Variants in GUCY2F observed in about 807,000 individuals in gnomAD.
GUCY2F encodes the protein retinal guanylyl cyclase 2.
A neutral mutation model predicts 73.1 loss-of-function variants in GUCY2F; 61 were observed. The ratio of observed to expected loss-of-function variants is 0.83; its 90% confidence interval spans 0.68 to 1.03. The LOEUF (loss-of-function observed/expected upper bound fraction) is 1.03, where lower values mean the gene tolerates loss of function less well. Ranked by LOEUF, GUCY2F falls within the 50% of genes least tolerant of loss-of-function variation. The probability of loss-of-function intolerance (pLI) is 0.00; values close to 1 mark genes in which losing one functional copy is unlikely to be tolerated. For missense variants in GUCY2F, 912 were observed against 854.3 expected, an observed-to-expected ratio of 1.07 and a Z score of -0.84; for synonymous variants, 331 against 307.8, an observed-to-expected ratio of 1.08 and a Z score of -0.79.
intron 3 of GUCY2F, among the ~76,000 whole-genome samples, chrX:109,461,699 C>A (rs1011731923): frequency 1.8e-5 from 2 of 112,355 alleles, no homozygotes; most frequent in African/African-American, 6.5e-5. Flanking sequence ...GTAACTACTA[C>A]TATCATGCCT....
chrX:109,396,748 C>A (rs1343884052), intron 11 of GUCY2F, among the ~76,000 whole-genome samples: 1 of 112,550 alleles, frequency 8.9e-6, no homozygotes, highest in Admixed American at 9.4e-5. Context: ...GACTTCTCAG[C>A]TCCTTGTGAC....
chrX:109,456,636 TA>T (rs1932266442), intron 3 of GUCY2F, among the ~76,000 whole-genome samples: 1 of 111,577 alleles, frequency 9.0e-6, no homozygotes, highest in Admixed American at 9.5e-5. Flanking sequence ...CAGGATTCTC[TA>T]GCCTAGACAA....
chrX:109,398,314 T>C (rs1484993124), intron 11 of GUCY2F, among the ~76,000 whole-genome samples: 3 of 111,574 alleles, frequency 2.7e-5, no homozygotes, highest in Non-Finnish European at 5.6e-5. Context: ...ATCAGTCCTG[T>C]AGGCCCTTGT....
At chrX:109,384,495 A>G (rs1306270496) in intron 16 of GUCY2F, among the ~76,000 whole-genome samples, 2 of 112,398 alleles carry the variant, frequency 1.8e-5, no homozygotes, top group East Asian at 5.6e-4. Flanking sequence ...AGCATCTTAC[A>G]AACAACAGAC....
Position 109,475,492 on chromosome X carries a change from AAGAGAAAATTCCTT to A in GUCY2F, c.431_444del (p.Lys144MetfsTer7). 2.5e-6 allele frequency: 3 copies of A among 1,211,371 alleles called. No individual in the cohort carries two copies. The highest frequency in any genetic ancestry group is 3.4e-6 in the Non-Finnish European group (3 of 895,081). ...TCTAATTCATAATTCACACAAGCCC[AAGAGAAAATTCCTT>A]TGTCCCAGCTGTTTCCCAGGAGCGA... On this transcript the variant is annotated frameshift_variant, in exon 2 of 20. Transcript: ENST00000218006. LOFTEE classifies it high-confidence loss of function.
intron 16 of GUCY2F, 116 bp from the exon 17 acceptor site, chrX:109,382,328 C>T: frequency 2.1e-6 from 1 of 484,033 alleles, no homozygotes; most frequent in Non-Finnish European, 3.7e-6. Context: ...TAGCAACGTC[C>T]TGAGAGAGGT....
intron 3 of GUCY2F, among the ~76,000 whole-genome samples, chrX:109,463,171 T>C (rs1284436171): frequency 2.7e-5 from 3 of 111,672 alleles, no homozygotes; most frequent in Non-Finnish European, 5.6e-5. Flanking sequence ...GCCCACAGAA[T>C]GATGAAATAA....
chrX:109,404,159 G>A (rs1054257625), intron 10 of GUCY2F, among the ~76,000 whole-genome samples, 169 bp downstream of exon 10: 2 of 112,553 alleles, frequency 1.8e-5, no homozygotes, highest in Admixed American at 9.4e-5. Flanking sequence ...TGGCTGGGCC[G>A]AGGTTACAGC....
intron 6 of GUCY2F, among the ~76,000 whole-genome samples, chrX:109,446,025 T>C (rs1053806042): frequency 8.9e-6 from 1 of 111,829 alleles, no homozygotes; most frequent in African/African-American, 3.3e-5. Flanking sequence ...CCATTCACAA[T>C]TGCTTCAAAG....
chrX:109,448,205 G>T (rs749380202), intron 5 of GUCY2F, 40 bp from the exon 6 acceptor site: 5 of 696,333 alleles, frequency 7.2e-6, no homozygotes, highest in Non-Finnish European at 9.2e-6. Context: ...AAGGGACTGG[G>T]TGTTTTGGCA....
At chrX:109,429,535 C>T (rs1362037344) in intron 8 of GUCY2F, among the ~76,000 whole-genome samples, 1 of 112,290 alleles carries the variant, frequency 8.9e-6, no homozygotes, top group Non-Finnish European at 1.9e-5. Flanking sequence ...TGTTTTCTCA[C>T]TTGTTCAGTG....
rs112671381 is a variant in GUCY2F at position 109,465,148 on chromosome X, G to A, written c.1026C>T (p.Phe342=). 79 of 1,202,059 alleles carry A rather than the reference G, an allele frequency of 6.6e-5. 1 individual carries two copies. The highest frequency in any genetic ancestry group is 3.7e-4 in the African/African-American group (21 of 57,048). The change falls in exon 3 of 20, where the codon TTC becomes TTT. Residue 342 remains phenylalanine, a synonymous_variant. Transcript: ENST00000218006. ...CCTATGAATGTGTACTTACTTGATC[G>A]AACTCCAGCTTCTCAGGAATTTCAC... ...ARGEIPEKLE[F]DQVSPLFGTI...
rs1357882213 is a variant in GUCY2F, at chrX:109,431,749, C to T, written c.1702-1353G>A. Among the ~76,000 whole-genome samples, 3 of 108,198 alleles carry T rather than the reference C, an allele frequency of 2.8e-5. No homozygotes were observed. The East Asian group carries it at 8.7e-4, about 31-fold the overall frequency. 94.0% of individuals were successfully genotyped at this position (108,198 alleles called of 115,157 possible). A position where few individuals can be genotyped will look rare whatever the true frequency, so the allele number is the denominator to read the frequency against. On this transcript the variant is annotated intron_variant, in intron 7 of 19. Transcript: ENST00000218006. ...CCACTCTCTTATTAAGGAATATATC[C>T]AGCTATGGCACTGCATCTGGAAACC...
intron 5 of GUCY2F, among the ~76,000 whole-genome samples, chrX:109,449,506 C>T (rs73530239): frequency 0.033 from 3,695 of 111,644 alleles, 131 homozygotes; most frequent in African/African-American, 0.1. Context: ...CTACAGAGTA[C>T]ACTCTAGTAG....
intron 17 of GUCY2F, among the ~76,000 whole-genome samples, chrX:109,379,470 A>G (rs1223868438): frequency 8.9e-6 from 1 of 112,669 alleles, no homozygotes; most frequent in Non-Finnish European, 1.9e-5. Flanking sequence ...AAATCATAAC[A>G]TCACTTTGTA....
chrX:109,429,483 G>T (rs1369283815), intron 8 of GUCY2F, among the ~76,000 whole-genome samples: 1 of 111,355 alleles, frequency 9.0e-6, no homozygotes, highest in East Asian at 2.8e-4. Flanking sequence ...AACCTATAGG[G>T]CATGTCCTAT....
chrX:109,420,688 T>C (rs1477739159), intron 8 of GUCY2F, among the ~76,000 whole-genome samples: 1 of 112,010 alleles, frequency 8.9e-6, no homozygotes, highest in Non-Finnish European at 1.9e-5. Flanking sequence ...CAAGAAGATA[T>C]ACAAGTGAAT....
At chrX:109,426,545 C>T (rs1931492083) in intron 8 of GUCY2F, among the ~76,000 whole-genome samples, 1 of 111,829 alleles carries the variant, frequency 8.9e-6, no homozygotes, top group East Asian at 2.8e-4. Context: ...CCGGCCACCA[C>T]GCCTGGCTAA....
intron 2 of GUCY2F, 95 bp downstream of exon 2, chrX:109,475,112 G>T: frequency 1.2e-6 from 1 of 859,592 alleles, no homozygotes; most frequent in Non-Finnish European, 1.6e-6. Flanking sequence ...GGGAAGGGAT[G>T]TGCTACCCTA....
Sources: allele counts gnomAD v4.1 joint callset (sites outside exome capture counted in the v4.1 genomes callset), GRCh38; gene constraint gnomAD v4.1.1; transcripts MANE v1.5; gene names NCBI Gene and HGNC (gene_info 2026-07-23, HGNC 2026-07-21).